MYO5B: variants seen among roughly 807,000 people sequenced by gnomAD.
The protein encoded by MYO5B is unconventional myosin-Vb.
A neutral mutation model predicts 229.3 loss-of-function variants in MYO5B; 143 were observed. That is an observed-to-expected ratio of 0.62 (90% CI 0.54 to 0.72). The LOEUF (loss-of-function observed/expected upper bound fraction) is 0.72. Among genes scored for constraint, MYO5B ranks in the 30% least tolerant of loss-of-function variants. The pLI is 0.00. For missense variants in MYO5B, 2,321 were observed against 2,331.0 expected (o/e 1.00, Z 0.09); for synonymous variants, 918 against 885.2 (o/e 1.04, Z -0.66).
chr18:49,876,160 T>C, intron 25 of MYO5B: 3 of 370,476 alleles, frequency 8.1e-6, no homozygotes, highest in Non-Finnish European at 1.6e-5. Flanking sequence ...AGCTCACTTC[T>C]GGAAAATGGT....
intron 19 of MYO5B, among the ~76,000 whole-genome samples, 179 bp from the exon 20 acceptor site, chr18:49,905,007 T>C (rs1175030822): frequency 2.6e-5 from 4 of 152,212 alleles, no homozygotes; most frequent in South Asian, 2.1e-4. Context: ...GCATTTGACG[T>C]TGTGGCTAGA....
intron 36 of MYO5B, 105 bp downstream of exon 36, chr18:49,839,039 C>T (rs1165773057): frequency 7.0e-7 from 1 of 1,433,450 alleles, no homozygotes; most frequent in Non-Finnish European, 9.7e-7. Flanking sequence ...TTCTGGAGGT[C>T]ATGGCTAAGA....
At chr18:50,055,225 G>GGGCCCCCCCCCCCCCCCC in intron 2 of MYO5B, 43 bp downstream of exon 2, 6 of 700,372 alleles carry the variant, frequency 8.6e-6, no homozygotes, top group East Asian at 2.7e-5. Context: ...TGAGCTCCCT[G>GGGCCCCCCCCCCCCCCCC]CCCCACCTCA....
intron 4 of MYO5B, among the ~76,000 whole-genome samples, chr18:50,023,113 G>A (rs375160683): frequency 6.7e-4 from 94 of 139,818 alleles, no homozygotes; most frequent in African/African-American, 2.4e-3. Context: ...GATTTCCTAT[G>A]TGAGAAATCC....
At chr18:49,915,167 C>T (rs546474087) in intron 17 of MYO5B, among the ~76,000 whole-genome samples, 3 of 152,126 alleles carry the variant, frequency 2.0e-5, no homozygotes, top group African/African-American at 7.2e-5. Context: ...AAAATGGCTC[C>T]TTACCGTTAT....
chr18:49,884,435 C>G (rs1405085416), intron 22 of MYO5B, among the ~76,000 whole-genome samples: 4 of 151,466 alleles, frequency 2.6e-5, no homozygotes. Context: ...CAGTGGGAGC[C>G]CTGAGCTTGT....
intron 1 of MYO5B, among the ~76,000 whole-genome samples, chr18:50,166,889 T>C (rs772885611): frequency 1.4e-4 from 22 of 152,240 alleles, no homozygotes; most frequent in Non-Finnish European, 2.8e-4. Context: ...TTTTACTTTA[T>C]GAAGATCACA....
chr18:49,846,707 A>G (rs2144047697), intron 33 of MYO5B, among the ~76,000 whole-genome samples: 1 of 152,260 alleles, frequency 6.6e-6, no homozygotes. Context: ...ATGAGAAAGC[A>G]GCAGTTCTGA....
At chr18:49,950,848 A>T (rs1259335323) in intron 14 of MYO5B, among the ~76,000 whole-genome samples, 1 of 152,194 alleles carries the variant, frequency 6.6e-6, no homozygotes, top group Non-Finnish European at 1.5e-5. Flanking sequence ...GCAGGCCTGC[A>T]TCTGCTATCC....
intron 1 of MYO5B, among the ~76,000 whole-genome samples, chr18:50,101,848 C>T (rs916210835): frequency 3.9e-5 from 6 of 152,126 alleles, no homozygotes; most frequent in African/African-American, 1.2e-4. Context: ...GATCTAGAAC[C>T]AGAAATACCA....
Position 49,895,113 on chromosome 18 carries a change from T to A in MYO5B, c.2873A>T (p.Glu958Val), listed in dbSNP as rs746055898. The change falls in exon 22 of 40, where the codon GAG becomes GTG. Residue 958 changes from glutamate (E) to valine (V), a missense_variant. Glu to Val is a moderately radical substitution (Grantham distance 121). Transcript: ENST00000285039. ...CAGCTCCTTCTTCAGCCGCTCTACC[T>A]CCATGGTGTATGTTGAGGTGGTCAC... ...LSVTTSTYTM[E>V]VERLKKELVH... 12 of 1,614,022 alleles carry A rather than the reference T, an allele frequency of 7.4e-6. No homozygotes were observed. The highest frequency in any genetic ancestry group is 1.0e-5 in the Non-Finnish European group (12 of 1,180,026).
chr18:49,939,067 T>C (rs2969927), intron 14 of MYO5B, among the ~76,000 whole-genome samples: 109,687 of 151,628 alleles, frequency 0.72, 40,184 homozygotes, highest in Middle Eastern at 0.84. Flanking sequence ...TAGAAAAGTG[T>C]CCAGCATATA....
At chr18:50,084,432 A>G (rs16951486) in intron 1 of MYO5B, among the ~76,000 whole-genome samples, 17,774 of 152,228 alleles carry the variant, frequency 0.12, 2,112 homozygotes, top group African/African-American at 0.31. Context: ...TCAGGGCAGG[A>G]AAACTCATCG....
chr18:50,078,828 C>T (rs1474523284), intron 1 of MYO5B, among the ~76,000 whole-genome samples: 1 of 151,088 alleles, frequency 6.6e-6, no homozygotes, highest in East Asian at 1.9e-4. Context: ...ATGCCAAGAG[C>T]TAGAAAAAAA....
intron 1 of MYO5B, among the ~76,000 whole-genome samples, chr18:50,130,434 A>G (rs146767418): frequency 1.3e-5 from 2 of 152,336 alleles, no homozygotes; most frequent in African/African-American, 4.8e-5. Flanking sequence ...GGAAACCTGT[A>G]CAACCTTGGT....
intron 14 of MYO5B, among the ~76,000 whole-genome samples, chr18:49,941,405 A>G (rs1181494932): frequency 3.3e-5 from 5 of 152,332 alleles, no homozygotes; most frequent in African/African-American, 9.6e-5. Flanking sequence ...GAATGCTACC[A>G]TATTTCTGAG....
chr18:49,992,062 T>C (rs2025939417), intron 6 of MYO5B, among the ~76,000 whole-genome samples: 1 of 152,226 alleles, frequency 6.6e-6, no homozygotes, highest in African/African-American at 2.4e-5. Context: ...ATTCAACGTT[T>C]GTTGATTGAA....
chr18:49,914,595 C>A (rs2024991890), intron 17 of MYO5B, among the ~76,000 whole-genome samples: 1 of 151,874 alleles, frequency 6.6e-6, no homozygotes, highest in South Asian at 2.1e-4. Flanking sequence ...GCCTGGCCAA[C>A]ATAGTGAAAC....
At chr18:50,100,631 C>G (rs180703724) in intron 1 of MYO5B, among the ~76,000 whole-genome samples, 1 of 152,316 alleles carries the variant, frequency 6.6e-6, no homozygotes, top group East Asian at 1.9e-4. Context: ...CTGGTACTAG[C>G]TGTTGCTCAG....
Sources: allele counts gnomAD v4.1 joint callset (sites outside exome capture counted in the v4.1 genomes callset), GRCh38; gene constraint gnomAD v4.1.1; transcripts MANE v1.5; gene names NCBI Gene and HGNC (gene_info 2026-07-23, HGNC 2026-07-21).